The following KCNN2 variants were observed in gnomAD, a reference collection of about 807,000 sequenced individuals.
KCNN2 encodes the protein potassium calcium-activated channel subfamily N member 2, also known as small conductance calcium-activated potassium channel protein 2.
A neutral mutation model predicts 55.5 loss-of-function variants in KCNN2; 24 were observed. The observed-to-expected ratio is 0.43, with a 90% confidence interval of 0.31 to 0.61. The LOEUF is 0.61. Among genes scored for constraint, KCNN2 ranks in the 20% least tolerant of loss-of-function variants. KCNN2 has a pLI of 0.08. For synonymous variants in KCNN2, 431 were observed against 336.1 expected, an observed-to-expected ratio of 1.28 and a Z score of -3.09; for missense variants, 754 against 853.6, an observed-to-expected ratio of 0.88 and a Z score of 1.45.
chr5:114,239,323 GA>G (rs778822220), intron 2 of KCNN2, among the ~76,000 whole-genome samples: 57 of 152,294 alleles, frequency 3.7e-4, no homozygotes, highest in Non-Finnish European at 7.6e-4. Flanking sequence ...CTTTGAGAAG[GA>G]AAAGAGGAAA....
In KCNN2 at chr5:114,072,816, C is replaced by A. The variant is rs144519121; in HGVS notation, c.-271+16316C>A. Among the ~76,000 whole-genome samples, 470 of 152,202 alleles carry A rather than the reference C, an allele frequency of 3.1e-3. 3 individuals carry two copies. The highest frequency in any genetic ancestry group is 4.7e-3 in the Non-Finnish European group (317 of 68,014). The stretch of plus-strand genomic sequence containing the variant: ...ATTTGTAACATGGAGGTAACAGTAT[C>A]TACTTTATAAGGTAGCTATGAATAT... On this transcript the variant is annotated intron_variant, in intron 1 of 10. Coordinates refer to the KCNN2 transcript ENST00000512097.
intron 2 of KCNN2, among the ~76,000 whole-genome samples, chr5:114,370,473 T>G (rs538434999): frequency 6.6e-6 from 1 of 152,156 alleles, no homozygotes; most frequent in East Asian, 1.9e-4. Flanking sequence ...ACAAAATTTT[T>G]GGAAGTTGTG....
upstream of KCNN2, among the ~76,000 whole-genome samples, chr5:114,359,636 G>A (rs1003886741): frequency 6.6e-6 from 1 of 152,100 alleles, no homozygotes; most frequent in Non-Finnish European, 1.5e-5. Context: ...TTTCAGGGGT[G>A]GAGGCTATGT....
At chr5:114,463,649 C>G (rs1761311205) in intron 4 of KCNN2, among the ~76,000 whole-genome samples, 1 of 152,018 alleles carries the variant, frequency 6.6e-6, no homozygotes, top group Admixed American at 6.6e-5. Context: ...AGGCACTGGC[C>G]TAGGTACTAG....
intron 1 of KCNN2, among the ~76,000 whole-genome samples, chr5:114,158,719 A>C (rs1306514232): frequency 6.6e-6 from 1 of 151,064 alleles, no homozygotes; most frequent in Non-Finnish European, 1.5e-5. Flanking sequence ...GGTCCTTCAC[A>C]TCCCTTGTAA....
intron 1 of KCNN2, among the ~76,000 whole-genome samples, chr5:114,178,430 C>T (rs1227659626): frequency 6.6e-6 from 1 of 152,110 alleles, no homozygotes; most frequent in Non-Finnish European, 1.5e-5. Context: ...TGTATGTGGT[C>T]AAGCTTGTTA....
At chr5:114,120,901 A>G (rs1328730116) in intron 1 of KCNN2, among the ~76,000 whole-genome samples, 3 of 152,204 alleles carry the variant, frequency 2.0e-5, no homozygotes, top group Non-Finnish European at 4.4e-5. Context: ...AGCATGGCAT[A>G]CTTAAAAATA....
At chr5:114,232,232 G>C (rs183421456) in intron 2 of KCNN2, among the ~76,000 whole-genome samples, 2 of 150,770 alleles carry the variant, frequency 1.3e-5, no homozygotes, top group African/African-American at 2.5e-5. Context: ...TAATGGTCTC[G>C]TCTGAATTAG....
At chr5:114,201,613 C>T (rs1291906294) in intron 1 of KCNN2, among the ~76,000 whole-genome samples, 4 of 152,076 alleles carry the variant, frequency 2.6e-5, no homozygotes, top group African/African-American at 9.7e-5. Context: ...TGGCTGTGGC[C>T]ATGTCAAGTT....
intron 3 of KCNN2, among the ~76,000 whole-genome samples, chr5:114,439,055 A>T (rs1376963826): frequency 6.6e-6 from 1 of 152,320 alleles, no homozygotes; most frequent in Non-Finnish European, 1.5e-5. Context: ...TACAGTACAT[A>T]AAAAAATCTG....
chr5:114,308,521 T>A (rs1337440668), intron 2 of KCNN2, among the ~76,000 whole-genome samples: 4 of 152,220 alleles, frequency 2.6e-5, no homozygotes, highest in Non-Finnish European at 5.9e-5. Context: ...CTTGAACTTC[T>A]AGGTTACATA....
chr5:114,315,940 A>G (rs1414371242), intron 2 of KCNN2, among the ~76,000 whole-genome samples: 1 of 149,096 alleles, frequency 6.7e-6, no homozygotes, highest in Non-Finnish European at 1.5e-5. Context: ...GGAATCAGAT[A>G]TTGTCCTGAG....
chr5:114,190,686 T>A (rs1296330828), intron 1 of KCNN2, among the ~76,000 whole-genome samples: 1 of 152,202 alleles, frequency 6.6e-6, no homozygotes, highest in Non-Finnish European at 1.5e-5. Context: ...CATTAAATTT[T>A]AATGTTTGTG....
At chr5:114,316,890 G>T (rs1243240866) in intron 2 of KCNN2, among the ~76,000 whole-genome samples, 1 of 152,150 alleles carries the variant, frequency 6.6e-6, no homozygotes, top group Non-Finnish European at 1.5e-5. Flanking sequence ...CAAGAAAAAG[G>T]CAAGGAAAGG....
At chr5:114,476,643 A>G (rs1445879002) in intron 5 of KCNN2, among the ~76,000 whole-genome samples, 1 of 151,418 alleles carries the variant, frequency 6.6e-6, no homozygotes, top group Non-Finnish European at 1.5e-5. Context: ...CTGGTCTGGA[A>G]CTCCCGACCT....
At chr5:114,091,783 A>G (rs1198603250) in intron 1 of KCNN2, among the ~76,000 whole-genome samples, 1 of 152,138 alleles carries the variant, frequency 6.6e-6, no homozygotes, top group East Asian at 1.9e-4. Flanking sequence ...TTATAAAACC[A>G]CCAGATCTCA....
intron 4 of KCNN2, among the ~76,000 whole-genome samples, chr5:114,463,550 A>G (rs1427153922): frequency 6.6e-6 from 1 of 152,230 alleles, no homozygotes; most frequent in East Asian, 1.9e-4. Flanking sequence ...ATAGCCCATA[A>G]TAACTATCTT....
chr5:114,066,682 C>T (rs988943696), intron 1 of KCNN2, among the ~76,000 whole-genome samples: 54 of 152,310 alleles, frequency 3.5e-4, no homozygotes, highest in East Asian at 9.7e-4. Flanking sequence ...TGGGTTCAAG[C>T]GATCCTGCTG....
chr5:114,366,946 A>G (rs1174687986), intron 2 of KCNN2, among the ~76,000 whole-genome samples: 2 of 152,226 alleles, frequency 1.3e-5, no homozygotes, highest in Non-Finnish European at 2.9e-5. Flanking sequence ...ATAATCAGAT[A>G]GTAAAAGCTC....
Sources: allele counts gnomAD v4.1 joint callset (sites outside exome capture counted in the v4.1 genomes callset), GRCh38; gene constraint gnomAD v4.1.1; transcripts MANE v1.5; gene names NCBI Gene and HGNC (gene_info 2026-07-23, HGNC 2026-07-21).